The following TMCC1 variants were observed in gnomAD, a reference collection of about 807,000 sequenced individuals.
TMCC1 encodes transmembrane and coiled-coil domains protein 1.
Under a neutral mutation model 52.4 loss-of-function variants are expected in TMCC1, and 15 were observed. The observed-to-expected ratio is 0.29, with a 90% CI of 0.19 to 0.44. TMCC1 has a LOEUF of 0.44. Ranked by LOEUF, TMCC1 falls within the 20% of genes least tolerant of loss-of-function variation. The pLI is 1.00. For missense variants in TMCC1, 503 were observed against 806.0 expected (o/e 0.62, Z 4.55); for synonymous variants, 279 against 301.9 (o/e 0.92, Z 0.79).
intron 4 of TMCC1, among the ~76,000 whole-genome samples, chr3:129,687,152 C>T (rs1268910495): frequency 6.6e-6 from 1 of 152,074 alleles, no homozygotes; most frequent in African/African-American, 2.4e-5. Flanking sequence ...GCTTACATAA[C>T]CAATGAGTCA....
chr3:129,670,295 C>T lies in TMCC1; in HGVS notation c.1511+35G>A, dbSNP rs372355467. Reference sequence around the variant, plus strand: ...TATCTAAAGGGAGGGGAACCCTACACAAATAATTTCAGATATTAATTCCAT... The same window carrying T: ...TATCTAAAGGGAGGGGAACCCTACATAAATAATTTCAGATATTAATTCCAT... On this transcript the variant is annotated intron_variant, in intron 5 of 6. Transcript: ENST00000393238. 9.9e-5 allele frequency: 157 copies of T among 1,585,700 alleles called. No individual in the cohort carries two copies. In the African/African-American group the frequency reaches 1.9e-3, roughly 20 times the overall value.
intron 4 of TMCC1, among the ~76,000 whole-genome samples, chr3:129,787,719 A>C (rs965944380): frequency 6.6e-6 from 1 of 152,210 alleles, no homozygotes; most frequent in South Asian, 2.1e-4. Flanking sequence ...ATCCAAAAAG[A>C]GATGCATTTA....
chr3:129,768,220 C>T lies in TMCC1; in HGVS notation c.576+59583G>A, dbSNP rs1173849632. Among the ~76,000 whole-genome samples, 5 of 152,124 alleles carry T rather than the reference C, an allele frequency of 3.3e-5. No individual in the cohort carries two copies. The East Asian group carries it at 9.6e-4, about 29-fold the overall frequency. ...ATCGTCTCAACAAACAAACAAAAAA[C>T]ATATTTCAGTTTGCTTTCGGTATGT... On this transcript the variant is annotated intron_variant, in intron 4 of 6. Transcript: ENST00000393238.
intron 4 of TMCC1, among the ~76,000 whole-genome samples, chr3:129,785,089 T>A (rs944158193): frequency 6.6e-6 from 1 of 152,014 alleles, no homozygotes; most frequent in Admixed American, 6.6e-5. Context: ...GGAGGAAAAG[T>A]TTTCCAGGTA....
At chr3:129,830,836 T>C (rs184913532) in intron 3 of TMCC1, among the ~76,000 whole-genome samples, 158 of 152,358 alleles carry the variant, frequency 1.0e-3, no homozygotes, top group African/African-American at 3.4e-3. Flanking sequence ...AATCAACTGG[T>C]CATCTGGTTG....
At chr3:129,740,137 C>T (rs149120484) in intron 4 of TMCC1, among the ~76,000 whole-genome samples, 130 of 152,340 alleles carry the variant, frequency 8.5e-4, no homozygotes, top group African/African-American at 1.1e-3. Flanking sequence ...CTAGTCTGCA[C>T]GTGTTTCAGA....
Position 129,823,180 on chromosome 3 carries a change from T to C in TMCC1, c.576+4623A>G, listed in dbSNP as rs372151157. On this transcript the variant is annotated intron_variant, in intron 4 of 6. Transcript: ENST00000393238. ...ATCTCTACTAAAAATATAAAAATTA[T>C]ACAGGCGTGGTGATGTGCGCCTGTA... 4.6e-5 allele frequency among the ~76,000 whole-genome samples: 7 copies of C among 151,962 alleles called. No homozygotes were observed. The East Asian group carries it at 1.4e-3, about 29-fold the overall frequency.
At chr3:129,830,584 C>T (rs2058862300) in intron 3 of TMCC1, among the ~76,000 whole-genome samples, 1 of 152,096 alleles carries the variant, frequency 6.6e-6, no homozygotes, top group Non-Finnish European at 1.5e-5. Flanking sequence ...AGCAGCAGAA[C>T]AGTACTGAAA....
chr3:129,771,774 C>CAAAAAAAAAAA (rs755523077), intron 4 of TMCC1, among the ~76,000 whole-genome samples: 1 of 75,660 alleles, frequency 1.3e-5, no homozygotes, highest in African/African-American at 3.9e-5. Flanking sequence ...GACACTGTCT[C>CAAAAAAAAAAA]AAAAAAAAAA....
intron 5 of TMCC1, among the ~76,000 whole-genome samples, chr3:129,662,883 G>A (rs2087150046): frequency 6.6e-6 from 1 of 152,098 alleles, no homozygotes; most frequent in East Asian, 1.9e-4. Flanking sequence ...TATGGCATGA[G>A]CTTAACTATC....
chr3:129,832,497 G>A (rs2058966487), intron 3 of TMCC1, among the ~76,000 whole-genome samples: 2 of 152,104 alleles, frequency 1.3e-5, no homozygotes, highest in Non-Finnish European at 2.9e-5. Context: ...CAATTTTACT[G>A]AAGACCTAAT....
chr3:129,839,494 C>T (rs1258766506), intron 2 of TMCC1, among the ~76,000 whole-genome samples: 1 of 152,094 alleles, frequency 6.6e-6, no homozygotes, highest in African/African-American at 2.4e-5. Context: ...CAGGCGCATG[C>T]CTATAGTCCC....
At chr3:129,849,455 C>T (rs2059810357) in intron 2 of TMCC1, among the ~76,000 whole-genome samples, 1 of 149,158 alleles carries the variant, frequency 6.7e-6, no homozygotes, top group Admixed American at 6.8e-5. Flanking sequence ...GAGCGAGACT[C>T]CATCTCAAAA....
rs1408137083 is a variant in TMCC1 at position 129,760,812 on chromosome 3, A to C, written c.576+66991T>G. 3.4e-5 allele frequency among the ~76,000 whole-genome samples: 5 copies of C among 148,050 alleles called. No homozygotes were observed. In the Admixed American group the frequency reaches 3.4e-4, roughly 10 times the overall value. On this transcript the variant is annotated intron_variant, in intron 4 of 6. Coordinates refer to ENST00000393238, the MANE Select transcript of TMCC1 (RefSeq NM_001017395.5). ...TTTTTTGTAGAGAAGGGGTTTCGCC[A>C]TGTTGCCCAGGCTGGTCTTGAACTC... is the stretch of plus-strand genomic sequence containing the variant.
chr3:129,870,759 CAAAAAAAAAAA>C (rs61673201), intron 2 of TMCC1, among the ~76,000 whole-genome samples: 37 of 10,672 alleles, frequency 3.5e-3, no homozygotes, highest in African/African-American at 5.0e-3. Flanking sequence ...GACTCCATCT[CAAAAAAAAAAA>C]AAAAAAAAAA....
At chr3:129,656,071 G>A (rs1456661855) in intron 5 of TMCC1, among the ~76,000 whole-genome samples, 1 of 152,232 alleles carries the variant, frequency 6.6e-6, no homozygotes, top group East Asian at 1.9e-4. Context: ...TGAGCCCAAA[G>A]AAGACTACTG....
At chr3:129,856,023 A>G (rs1293343422) in intron 2 of TMCC1, among the ~76,000 whole-genome samples, 1 of 152,104 alleles carries the variant, frequency 6.6e-6, no homozygotes, top group East Asian at 1.9e-4. Context: ...ACCAATGTCA[A>G]TTTCCTGGTT....
rs547619548 is a variant in TMCC1, at chr3:129,878,352, C to A, written c.-184+1957G>T. ...CCTGCAAACTTGTTTCTCTTTCTTT[C>A]AGTCTTCTCCATCTCAATAAATGAC... On this transcript the variant is annotated intron_variant, in intron 2 of 6. Coordinates refer to ENST00000393238, the MANE Select transcript of TMCC1 (RefSeq NM_001017395.5). Among the ~76,000 whole-genome samples, 7 of 152,294 alleles carry A rather than the reference C, an allele frequency of 4.6e-5. No homozygotes were observed. The East Asian group carries it at 1.3e-3, about 29-fold the overall frequency.
At chr3:129,882,721 C>T (rs2107998647) in intron 1 of TMCC1, among the ~76,000 whole-genome samples, 1 of 152,238 alleles carries the variant, frequency 6.6e-6, no homozygotes, top group Middle Eastern at 3.4e-3. Flanking sequence ...AAAAATACTA[C>T]AACATGGATG....
Sources: gnomAD v4.1 joint callset for allele counts (sites outside exome capture counted in the v4.1 genomes callset) on GRCh38, gnomAD v4.1.1 for gene constraint, MANE v1.5 for transcripts, NCBI Gene and HGNC (gene_info 2026-07-23, HGNC 2026-07-21) for gene names.